The following DAAM1 variants were observed in gnomAD, a reference collection of about 807,000 sequenced individuals.
DAAM1 encodes dishevelled associated activator of morphogenesis 1, also known as disheveled-associated activator of morphogenesis 1.
A neutral mutation model predicts 130.0 loss-of-function variants in DAAM1; 52 were observed. The observed-to-expected ratio is 0.40, with a 90% confidence interval of 0.32 to 0.50. The LOEUF is 0.50. Among genes scored for constraint, DAAM1 ranks in the 20% least tolerant of loss-of-function variants. The pLI is 0.61. For missense variants in DAAM1, 1,134 were observed against 1,303.8 expected (o/e 0.87, Z 2.01); for synonymous variants, 452 against 444.5 (o/e 1.02, Z -0.21).
At chr14:59,339,545 G>A (rs1052022621) in intron 15 of DAAM1, among the ~76,000 whole-genome samples, 6 of 152,166 alleles carry the variant, frequency 3.9e-5, no homozygotes, top group Non-Finnish European at 8.8e-5. Flanking sequence ...TTGTCCATCA[G>A]GCTCTGGAGT....
intron 3 of DAAM1, among the ~76,000 whole-genome samples, chr14:59,293,605 A>G (rs1317644995): frequency 1.3e-5 from 2 of 152,314 alleles, no homozygotes; most frequent in East Asian, 1.9e-4. Context: ...TGACTTAGCA[A>G]TCAGTGGGAA....
chr14:59,263,755 T>C, intron 2 of DAAM1, 95 bp downstream of exon 2: 2 of 1,501,496 alleles, frequency 1.3e-6, no homozygotes, highest in East Asian at 4.7e-5. Context: ...ACATGGACTT[T>C]TCCTTTTCAG....
intron 2 of DAAM1, chr14:59,265,633 A>C (rs1461864648): frequency 6.6e-6 from 1 of 152,172 alleles, no homozygotes; most frequent in Non-Finnish European, 1.5e-5. Flanking sequence ...TGAGAAGAAA[A>C]GTTGGGGGGA....
intron 4 of DAAM1, among the ~76,000 whole-genome samples, chr14:59,319,940 A>G (rs1884943144): frequency 6.6e-6 from 1 of 152,110 alleles, no homozygotes; most frequent in Non-Finnish European, 1.5e-5. Flanking sequence ...ACACACACAC[A>G]CACACTCACT....
chr14:59,355,210 A>G lies in DAAM1; in HGVS notation c.2402A>G (p.Lys801Arg). ...SEEVFRSGAL[K>R]QLLEVVLAFG... Reference sequence around the variant, plus strand: ...GAGGTGTTTAGGAGTGGTGCCCTCAAGCAGTTGCTGGAGGTGGTTTTGGCA... The same window carrying G: ...GAGGTGTTTAGGAGTGGTGCCCTCAGGCAGTTGCTGGAGGTGGTTTTGGCA... The change falls in exon 20 of 25, where the codon AAG becomes AGG. Residue 801 changes from lysine (K) to arginine (R), a missense_variant. Transcript: ENST00000360909. 6.2e-7 allele frequency: 1 copy of G among 1,614,216 alleles called. No homozygotes were observed. The highest frequency in any genetic ancestry group is 8.5e-7 in the Non-Finnish European group (1 of 1,180,028).
chr14:59,213,481 C>A (rs1026080496), intron 1 of DAAM1, among the ~76,000 whole-genome samples: 3 of 151,902 alleles, frequency 2.0e-5, no homozygotes, highest in African/African-American at 7.3e-5. Context: ...AGGTTGAGGA[C>A]TCTGATTGTC....
At chr14:59,243,461 G>A (rs1881218167) in intron 1 of DAAM1, among the ~76,000 whole-genome samples, 1 of 152,126 alleles carries the variant, frequency 6.6e-6, no homozygotes, top group Non-Finnish European at 1.5e-5. Flanking sequence ...TCAGGCTGGT[G>A]GAAATGCCAG....
chr14:59,189,339 C>T (rs766882064), intron 1 of DAAM1, among the ~76,000 whole-genome samples: 2 of 152,226 alleles, frequency 1.3e-5, no homozygotes, highest in Non-Finnish European at 2.9e-5. Flanking sequence ...GGACGGAGCG[C>T]CTGTAATTCA....
chr14:59,277,052 C>T (rs1039941955), intron 2 of DAAM1, among the ~76,000 whole-genome samples: 1 of 152,168 alleles, frequency 6.6e-6, no homozygotes, highest in Non-Finnish European at 1.5e-5. Flanking sequence ...TATTTTATCT[C>T]ATTGAAATCT....
At chr14:59,211,307 C>G (rs1335969994) in intron 1 of DAAM1, among the ~76,000 whole-genome samples, 1 of 152,138 alleles carries the variant, frequency 6.6e-6, no homozygotes, top group African/African-American at 2.4e-5. Context: ...TTTTCTGGGA[C>G]TCTATTTTAA....
At chr14:59,227,529 T>C (rs1385213470) in intron 1 of DAAM1, among the ~76,000 whole-genome samples, 1 of 152,232 alleles carries the variant, frequency 6.6e-6, no homozygotes, top group East Asian at 1.9e-4. Context: ...AATATTCCTA[T>C]AGTATTTATC....
chr14:59,320,680 A>G, intron 5 of DAAM1, 96 bp downstream of exon 5: 3 of 841,534 alleles, frequency 3.6e-6, no homozygotes, highest in South Asian at 2.4e-5. Flanking sequence ...AGTTAAAACC[A>G]TAAAATTAAA....
chr14:59,278,387 T>G (rs557866332), intron 2 of DAAM1, among the ~76,000 whole-genome samples: 1 of 152,124 alleles, frequency 6.6e-6, no homozygotes, highest in Non-Finnish European at 1.5e-5. Flanking sequence ...CAAAGGGTGA[T>G]TCATGGCCTG....
intron 23 of DAAM1, among the ~76,000 whole-genome samples, chr14:59,364,118 T>C (rs1886821151): frequency 6.6e-6 from 1 of 152,190 alleles, no homozygotes; most frequent in Non-Finnish European, 1.5e-5. Flanking sequence ...GAAGTACTTA[T>C]CTCTGGGAAC....
rs1886131899 is a variant in DAAM1, at chr14:59,347,578, A to C, written c.2115A>C (p.Leu705=). Residue 705 remains leucine (L), a synonymous_variant, in exon 17 of 25, where the codon CTA becomes CTC. Coordinates refer to ENST00000360909, the MANE Select transcript of DAAM1 (RefSeq NM_001270520.2). Reference sequence around the variant, plus strand: ...ATGACGAAATCAAACGGGCAATTCTAACAATGGACGAACAGGAAGATCTGC... The same window carrying C: ...ATGACGAAATCAAACGGGCAATTCTCACAATGGACGAACAGGAAGATCTGC... ...LSNDEIKRAI[L]TMDEQEDLPK... 1.2e-6 allele frequency: 2 copies of C among 1,613,838 alleles called. No individual in the cohort carries two copies. Among genetic ancestry groups the C allele is most frequent in the African/African-American group, 2.7e-5 (2 of 74,930 alleles).
At chr14:59,315,122 A>C (rs183369846) in intron 3 of DAAM1, among the ~76,000 whole-genome samples, 158 bp from the exon 4 acceptor site, 1 of 152,328 alleles carries the variant, frequency 6.6e-6, no homozygotes, top group Admixed American at 6.5e-5. Context: ...AGGCAGTCTG[A>C]TCATTTATAG....
intron 2 of DAAM1, among the ~76,000 whole-genome samples, chr14:59,267,780 C>T (rs1299523248): frequency 6.6e-6 from 1 of 152,122 alleles, no homozygotes; most frequent in Admixed American, 6.5e-5. Flanking sequence ...ATATGTGGTC[C>T]TCTGTGACTG....
intron 2 of DAAM1, among the ~76,000 whole-genome samples, chr14:59,273,030 AAC>A (rs1272596520): frequency 1.3e-5 from 2 of 152,172 alleles, no homozygotes; most frequent in African/African-American, 4.8e-5. Context: ...TTGTTCCTAA[AAC>A]AGTAGGGTTG....
intron 1 of DAAM1, among the ~76,000 whole-genome samples, chr14:59,220,913 A>G (rs1888750401): frequency 6.6e-6 from 1 of 152,166 alleles, no homozygotes; most frequent in African/African-American, 2.4e-5. Flanking sequence ...TCTTTCCTGA[A>G]TCTACAGATT....
Sources: gnomAD v4.1 joint callset for allele counts (sites outside exome capture counted in the v4.1 genomes callset) on GRCh38, gnomAD v4.1.1 for gene constraint, MANE v1.5 for transcripts, NCBI Gene and HGNC (gene_info 2026-07-23, HGNC 2026-07-21) for gene names.